The following PIK3R4 variants were observed in gnomAD, a reference collection of about 807,000 sequenced individuals.
PIK3R4 encodes the protein phosphoinositide-3-kinase regulatory subunit 4.
Under a neutral mutation model 136.5 loss-of-function variants are expected in PIK3R4, and 46 were observed. The ratio of observed to expected loss-of-function variants is 0.34; its 90% CI spans 0.27 to 0.43. The LOEUF (loss-of-function observed/expected upper bound fraction) is 0.43. PIK3R4 is among the 20% of genes least tolerant of loss of function. The pLI, the probability that PIK3R4 is intolerant of heterozygous loss-of-function variation, is 1.00. For synonymous variants in PIK3R4, 557 were observed against 566.7 expected (o/e 0.98, Z 0.24); for missense variants, 1,331 against 1,649.5 (o/e 0.81, Z 3.35).
chr3:130,704,848 T>TA (rs923919465), intron 12 of PIK3R4, among the ~76,000 whole-genome samples: 5 of 152,160 alleles, frequency 3.3e-5, no homozygotes, highest in African/African-American at 9.7e-5. Context: ...TTTATTTTTT[T>TA]GAGACAGAGT....
chr3:130,743,583 C>T (rs957684483), intron 2 of PIK3R4, among the ~76,000 whole-genome samples: 4 of 152,190 alleles, frequency 2.6e-5, no homozygotes, highest in African/African-American at 9.7e-5. Flanking sequence ...CAGGGACCAG[C>T]ATCACCATCC....
rs116431471 is a variant in PIK3R4, at chr3:130,729,487, A to C, written c.1586-803T>G. On this transcript the variant is annotated intron_variant, in intron 5 of 19. Coordinates refer to ENST00000356763, the MANE Select transcript of PIK3R4 (RefSeq NM_014602.3). ...AAGAAAAACTTTAGATTCCCTCCCC[A>C]AAAATTTTACCATTTAACTTTATTA... 7.3e-3 allele frequency among the ~76,000 whole-genome samples: 1,111 copies of C among 152,306 alleles called. 3 individuals are homozygous for C. The highest frequency in any genetic ancestry group is 0.025 in the African/African-American group (1,039 of 41,568).
At chr3:130,679,583 TTTAAG>T (rs766228887) in intron 19 of PIK3R4, 98 bp from the exon 20 acceptor site, 1 of 804,386 alleles carries the variant, frequency 1.2e-6, no homozygotes, top group Admixed American at 2.4e-5. Context: ...TGTTGTTGTA[TTTAAG>T]TTAACACCTT....
At chr3:130,691,092 C>T (rs1038419659) in intron 13 of PIK3R4, among the ~76,000 whole-genome samples, 2 of 151,944 alleles carry the variant, frequency 1.3e-5, no homozygotes, top group African/African-American at 2.4e-5. Context: ...GATGGGGTTT[C>T]GCCATGTTGC....
intron 2 of PIK3R4, among the ~76,000 whole-genome samples, chr3:130,738,196 C>T (rs188932733): frequency 7.5e-4 from 114 of 152,032 alleles, no homozygotes; most frequent in Middle Eastern, 3.4e-3. Flanking sequence ...ACAGAGGACC[C>T]GAAAAATACA....
chr3:130,738,143 A>C (rs188447780), intron 2 of PIK3R4, among the ~76,000 whole-genome samples: 1 of 152,330 alleles, frequency 6.6e-6, no homozygotes, highest in Non-Finnish European at 1.5e-5. Flanking sequence ...AGAATGAAGG[A>C]CTTCGAAAAA....
intron 9 of PIK3R4, among the ~76,000 whole-genome samples, chr3:130,709,569 A>G (rs975915045): frequency 3.9e-5 from 6 of 152,124 alleles, no homozygotes; most frequent in Non-Finnish European, 8.8e-5. Context: ...TACTTGGTTT[A>G]TTTTCATGTC....
chr3:130,697,770 C>T (rs80294040), intron 13 of PIK3R4, among the ~76,000 whole-genome samples: 4,857 of 152,210 alleles, frequency 0.032, 229 homozygotes, highest in East Asian at 0.1. Flanking sequence ...AAAAGAGTTA[C>T]AAACAAAAAT....
At chr3:130,696,258 A>G (rs1468316583) in intron 13 of PIK3R4, among the ~76,000 whole-genome samples, 2 of 143,726 alleles carry the variant, frequency 1.4e-5, no homozygotes, top group Non-Finnish European at 3.1e-5. Context: ...TTTTTTTTCT[A>G]TTCTCTATTT....
chr3:130,702,438 A>AT (rs1410843849), intron 13 of PIK3R4, among the ~76,000 whole-genome samples: 23 of 152,214 alleles, frequency 1.5e-4, no homozygotes, highest in African/African-American at 5.3e-4. Context: ...GAATGGTGTA[A>AT]AAATATAGAG....
rs2066843399 is a variant in PIK3R4, at chr3:130,744,748, G to A, written c.471C>T (p.Thr157=). The change falls in exon 2 of 20, where the codon ACC becomes ACT. Residue 157 remains threonine (T), a synonymous_variant. Transcript: ENST00000356763. ...CAGTTAGAAGAACCCAATTCCAACT[G>A]GTGACCATCACATTCTCAGTCTTGA... ...GDIKTENVMV[T]SWNWVLLTDF... 1 of 1,614,224 alleles carries A rather than the reference G, an allele frequency of 6.2e-7. No homozygotes were observed. Among genetic ancestry groups the A allele is most frequent in the Middle Eastern group, 1.6e-4 (1 of 6,062 alleles).
At chr3:130,703,009 C>T (rs1453413446) in intron 13 of PIK3R4, among the ~76,000 whole-genome samples, 1 of 152,170 alleles carries the variant, frequency 6.6e-6, no homozygotes, top group South Asian at 2.1e-4. Flanking sequence ...ACCAAGCGAC[C>T]AGCTCTTGCC....
At chr3:130,694,464 G>A (rs892847009) in intron 13 of PIK3R4, among the ~76,000 whole-genome samples, 1 of 151,866 alleles carries the variant, frequency 6.6e-6, no homozygotes, top group Non-Finnish European at 1.5e-5. Flanking sequence ...ATGATCTTTA[G>A]TATTTTTCAG....
At position 130,744,453 on chromosome 3, in the gene PIK3R4, T is replaced by C. The variant is rs183072225; in HGVS notation, c.733+33A>G. 7,073 of 1,553,898 alleles carry C rather than the reference T, an allele frequency of 4.6e-3. 50 individuals are homozygous for C. The highest frequency in any genetic ancestry group is 0.015 in the Middle Eastern group (84 of 5,654). On this transcript the variant is annotated intron_variant, in intron 2 of 19. Coordinates refer to ENST00000356763, the MANE Select transcript of PIK3R4 (RefSeq NM_014602.3). The stretch of plus-strand genomic sequence containing the variant: ...GTTTAACAGTTAAAAGAAAAACACA[T>C]GCTCCCTTAGCAAATGTGACCCACT...
chr3:130,712,402 C>T (rs1354339655), intron 9 of PIK3R4, among the ~76,000 whole-genome samples: 1 of 152,064 alleles, frequency 6.6e-6, no homozygotes, highest in Non-Finnish European at 1.5e-5. Context: ...GGCGAGGTGG[C>T]TCACGCTTGT....
chr3:130,738,121 G>A (rs911414010), intron 2 of PIK3R4, among the ~76,000 whole-genome samples: 26 of 152,142 alleles, frequency 1.7e-4, no homozygotes, highest in African/African-American at 5.8e-4. Context: ...TCTCTGTATA[G>A]TGTCACATTT....
rs190064428 is a variant in PIK3R4, at chr3:130,744,084, T to C, written c.733+402A>G. 2.6e-5 allele frequency among the ~76,000 whole-genome samples: 4 copies of C among 152,332 alleles called. No homozygotes were observed. In the East Asian group the frequency reaches 7.7e-4, roughly 29 times the overall value. ...ACACCACCATGAGGACTAATTTAAA[T>C]ATCTATGTGTTCCTATAGCAGCACC... On this transcript the variant is annotated intron_variant, in intron 2 of 19. Coordinates refer to ENST00000356763, the MANE Select transcript of PIK3R4 (RefSeq NM_014602.3).
chr3:130,746,023 CA>C (rs1220267833), intron 1 of PIK3R4, among the ~76,000 whole-genome samples: 52 of 144,142 alleles, frequency 3.6e-4, no homozygotes, highest in African/African-American at 1.4e-3. Flanking sequence ...CCGTCCGTCT[CA>C]AAAAATAAAA....
At chr3:130,694,318 A>C (rs1217798698) in intron 13 of PIK3R4, among the ~76,000 whole-genome samples, 1 of 151,978 alleles carries the variant, frequency 6.6e-6, no homozygotes, top group African/African-American at 2.4e-5. Flanking sequence ...GGAAAAAAAA[A>C]AGGCAGCTAG....
Sources: gnomAD v4.1 joint callset for allele counts (sites outside exome capture counted in the v4.1 genomes callset) on GRCh38, gnomAD v4.1.1 for gene constraint, MANE v1.5 for transcripts, NCBI Gene and HGNC (gene_info 2026-07-23, HGNC 2026-07-21) for gene names.